Variants in RSRC2 observed in about 807,000 individuals in gnomAD.
RSRC2 encodes arginine and serine rich coiled-coil 2.
In RSRC2, 5 loss-of-function variants were observed where a neutral mutation model predicts 61.3. The ratio of observed to expected loss-of-function variants is 0.08; its 90% CI spans 0.04 to 0.17. The LOEUF (loss-of-function observed/expected upper bound fraction) is 0.17. RSRC2 is among the 10% of genes least tolerant of loss of function. The probability of loss-of-function intolerance (pLI) is 1.00; values close to 1 mark genes in which losing one functional copy is unlikely to be tolerated. For synonymous variants in RSRC2, 202 were observed against 166.5 expected (o/e 1.21, Z -1.64); for missense variants, 381 against 518.8 (o/e 0.73, Z 2.58).
intron 6 of RSRC2, among the ~76,000 whole-genome samples, chr12:122,514,263 TG>T (rs1565895291): frequency 2.5e-5 from 3 of 118,732 alleles, no homozygotes; most frequent in South Asian, 2.7e-4. Flanking sequence ...TGTGTGTGTG[TG>T]TGTGTGTTTT....
At chr12:122,506,794 A>G (rs1279651899) in intron 9 of RSRC2, 40 bp downstream of exon 9, 5 of 1,182,668 alleles carry the variant, frequency 4.2e-6, no homozygotes, top group East Asian at 2.3e-5. Context: ...AGGAGGGCTA[A>G]TAGCTAATAC....
chr12:122,526,737 C>T, intron 1 of RSRC2, 111 bp downstream of exon 1: 1 of 1,266,838 alleles, frequency 7.9e-7, no homozygotes, highest in Non-Finnish European at 1.1e-6. Context: ...AAGGCCGCGG[C>T]GCCATTTTGT....
intron 4 of RSRC2, among the ~76,000 whole-genome samples, chr12:122,518,156 T>G (rs546061229): frequency 6.6e-6 from 1 of 152,066 alleles, no homozygotes; most frequent in African/African-American, 2.4e-5. Flanking sequence ...AGAGATTAGC[T>G]GGGTGTGGTG....
At chr12:122,522,478 G>A (rs1267192296) in intron 1 of RSRC2, 179 bp from the exon 2 acceptor site, 6 of 502,176 alleles carry the variant, frequency 1.2e-5, no homozygotes, top group African/African-American at 4.0e-5. Context: ...TTGAAATGAC[G>A]AACCTGATAC....
chr12:122,504,428 G>A lies in RSRC2; in HGVS notation c.*1099C>T, dbSNP rs1431711556. 6.6e-6 allele frequency: 1 copy of A among 152,232 alleles called. No homozygotes were observed. Among genetic ancestry groups the A allele is most frequent in the African/African-American group, 2.4e-5 (1 of 41,418 alleles). The allele number at this position is 152,232 out of a possible 1,614,324, so 9.4% of individuals were successfully genotyped here. On this transcript the variant is annotated 3_prime_UTR_variant, in exon 10 of 10. Coordinates refer to ENST00000331738, the MANE Select transcript of RSRC2 (RefSeq NM_023012.6). ...GGATCACCTGAGGTCAGGAGTTCAG[G>A]ACCAGCCTGGCCAACATGGTAAAAC...
At chr12:122,522,097 T>C (rs1959284858) in intron 2 of RSRC2, 46 bp downstream of exon 2, 1 of 1,561,052 alleles carries the variant, frequency 6.4e-7, no homozygotes, top group Non-Finnish European at 8.7e-7. Flanking sequence ...GGTCTACATA[T>C]CTTATACAAA....
Position 122,508,448 on chromosome 12 carries a change from C to T in RSRC2, c.806-1G>A, listed in dbSNP as rs749282261. ...AGAACAGAACCTCCAGTAGCTGCAG[C>T]TGCTTGAAGAGAATACAAAAATGGA... On this transcript the variant is annotated splice_acceptor_variant, in intron 7 of 9. Transcript: ENST00000331738. LOFTEE classifies it high-confidence loss of function. 2.5e-6 allele frequency: 4 copies of T among 1,611,102 alleles called. No individual in the cohort carries two copies. In the South Asian group the frequency reaches 4.4e-5, roughly 18 times the overall value.
chr12:122,517,649 C>T (rs1565900230), intron 4 of RSRC2, among the ~76,000 whole-genome samples: 1 of 152,108 alleles, frequency 6.6e-6, no homozygotes, highest in Admixed American at 6.5e-5. Flanking sequence ...AACCTATTAA[C>T]ATGTCAAAAG....
intron 5 of RSRC2, 59 bp downstream of exon 5, chr12:122,517,168 A>C: frequency 1.2e-6 from 2 of 1,607,298 alleles, no homozygotes; most frequent in East Asian, 4.5e-5. Flanking sequence ...CTTACTGAGG[A>C]AGATAAACAG....
At chr12:122,521,284 T>C in intron 3 of RSRC2, 101 bp downstream of exon 3, 1 of 832,824 alleles carries the variant, frequency 1.2e-6, no homozygotes, top group Non-Finnish European at 1.9e-6. Flanking sequence ...AAATTTCAAG[T>C]TTTGTACTTA....
At chr12:122,520,468 T>C (rs1384412764) in intron 3 of RSRC2, 2 of 1,116,886 alleles carry the variant, frequency 1.8e-6, no homozygotes, top group Non-Finnish European at 2.5e-6. Flanking sequence ...TAAGATATAT[T>C]TAAGGGAAAT....
intron 1 of RSRC2, 33 bp from the exon 2 acceptor site, chr12:122,522,332 T>A: frequency 1.3e-6 from 2 of 1,545,444 alleles, no homozygotes; most frequent in Non-Finnish European, 1.7e-6. Flanking sequence ...TTAAAGTTCT[T>A]AATTACATTT....
At chr12:122,526,503 C>T (rs1247953294) in intron 1 of RSRC2, among the ~76,000 whole-genome samples, 1 of 152,010 alleles carries the variant, frequency 6.6e-6, no homozygotes, top group Non-Finnish European at 1.5e-5. Context: ...CCCCTTTCTC[C>T]ACCGCAAATT....
chr12:122,513,244 TAAAATAAAATAAAAATA>T (rs1958664128), intron 6 of RSRC2, among the ~76,000 whole-genome samples: 6 of 47,104 alleles, frequency 1.3e-4, no homozygotes, highest in Non-Finnish European at 3.6e-4. Context: ...AATAAATAAA[TAAAATAAAATAAAAATA>T]AAAAATAAAA....
chr12:122,515,791 A>T (rs1459796002), intron 5 of RSRC2, among the ~76,000 whole-genome samples: 1 of 152,170 alleles, frequency 6.6e-6, no homozygotes, highest in African/African-American at 2.4e-5. Context: ...GGAGTTCGAG[A>T]CCTGCCTGGC....
chr12:122,515,192 A>C lies in RSRC2; in HGVS notation c.638T>G (p.Phe213Cys). ...TGGAGTCCGGCTTAAACTTCTGCTA[A>C]ATCTTCTCGGCTTTTCAATTCTCTT... ...RKKRIEKPRR[F>C]SRSLSRTPSP... The change falls in exon 6 of 10, where the codon TTT (phenylalanine) becomes TGT (cysteine). Residue 213 changes from phenylalanine (F) to cysteine (C), a missense_variant. Around this residue, in one of 4 missense-constraint regions of RSRC2, gnomAD observed 266 missense variants for 270.5 expected, o/e 0.98. Coordinates refer to ENST00000331738, the MANE Select transcript of RSRC2 (RefSeq NM_023012.6). The C allele has an allele frequency of 2.5e-6, 4 of 1,614,132 alleles. No homozygotes were observed. The highest frequency in any genetic ancestry group is 3.4e-6 in the Non-Finnish European group (4 of 1,180,008).
rs748967111 is a variant in RSRC2 at position 122,522,309 on chromosome 12, T to TA, written c.7-11dup. 38 of 1,575,650 alleles carry TA rather than the reference T, an allele frequency of 2.4e-5. No individual in the cohort carries two copies. Among genetic ancestry groups the TA allele is most frequent in the Non-Finnish European group, 3.0e-5 (35 of 1,167,738 alleles). ...GCTCTGTATCACTAGCCTAAAAGTT[T>TA]AAAAACAAATGATTAAAGTTCTTAA... On this transcript the variant is annotated splice_polypyrimidine_tract_variant and intron_variant, in intron 1 of 9. Transcript: ENST00000331738.
intron 6 of RSRC2, among the ~76,000 whole-genome samples, chr12:122,513,124 G>A (rs1441509330): frequency 6.6e-6 from 1 of 151,788 alleles, no homozygotes; most frequent in Non-Finnish European, 1.5e-5. Flanking sequence ...GAACCCAGAA[G>A]GCAGAGGTTG....
chr12:122,524,387 G>A (rs772606526), intron 1 of RSRC2, among the ~76,000 whole-genome samples: 2 of 152,068 alleles, frequency 1.3e-5, no homozygotes, highest in East Asian at 1.9e-4. Context: ...TCAGTTGCAC[G>A]ACACTTTTGC....
Sources: allele counts gnomAD v4.1 joint callset (sites outside exome capture counted in the v4.1 genomes callset), GRCh38; gene constraint gnomAD v4.1.1; regional missense constraint gnomAD v4.1.1; transcripts MANE v1.5; gene names NCBI Gene and HGNC (gene_info 2026-07-23, HGNC 2026-07-21).